STX8: variants seen among roughly 807,000 people sequenced by gnomAD.
The protein encoded by STX8 is syntaxin-8.
Under a neutral mutation model 37.5 loss-of-function variants are expected in STX8, and 23 were observed. That is an observed-to-expected ratio of 0.61 (90% CI 0.44 to 0.87). The LOEUF (loss-of-function observed/expected upper bound fraction) is 0.87. Among genes scored for constraint, STX8 ranks in the 40% least tolerant of loss-of-function variants. The pLI is 0.00. For missense variants in STX8, 313 were observed against 284.7 expected, an observed-to-expected ratio of 1.10 and a Z score of -0.71; for synonymous variants, 115 against 99.1, an observed-to-expected ratio of 1.16 and a Z score of -0.95.
At chr17:9,327,351 G>A (rs1435463230) in intron 7 of STX8, among the ~76,000 whole-genome samples, 2 of 149,760 alleles carry the variant, frequency 1.3e-5, no homozygotes, top group Non-Finnish European at 3.0e-5. Flanking sequence ...AGGAGGAGGA[G>A]AAGGAGAGGG....
At chr17:9,295,488 T>G (rs111772873) in intron 7 of STX8, among the ~76,000 whole-genome samples, 1,985 of 152,296 alleles carry the variant, frequency 0.013, 42 homozygotes, top group African/African-American at 0.045. Context: ...CTCACACCAG[T>G]AATCCCAGCA....
At chr17:9,387,203 C>T (rs1011322003) in intron 6 of STX8, among the ~76,000 whole-genome samples, 5 of 152,296 alleles carry the variant, frequency 3.3e-5, no homozygotes, top group East Asian at 1.9e-4. Context: ...TTCCTAAAAA[C>T]GTGATGGGAG....
intron 7 of STX8, among the ~76,000 whole-genome samples, chr17:9,350,712 T>C (rs908137281): frequency 1.8e-4 from 28 of 152,206 alleles, no homozygotes; most frequent in Admixed American, 6.5e-4. Context: ...TTTGTATTTT[T>C]AGTAGAGACA....
In STX8 at chr17:9,543,763, T is replaced by C. The variant is rs572981992; in HGVS notation, c.323+1409A>G. 3.3e-5 allele frequency among the ~76,000 whole-genome samples: 5 copies of C among 152,338 alleles called. No homozygotes were observed. The South Asian group carries it at 8.3e-4, about 25-fold the overall frequency. On this transcript the variant is annotated intron_variant, in intron 4 of 7. Coordinates refer to ENST00000306357, the MANE Select transcript of STX8 (RefSeq NM_004853.3). Reference sequence around the variant, plus strand: ...AGTAGATTGGCCCAGCACAGGCTTCTATCTTCATTTAAACCCTGCCCAGGA... The same window carrying C: ...AGTAGATTGGCCCAGCACAGGCTTCCATCTTCATTTAAACCCTGCCCAGGA...
chr17:9,282,901 A>C (rs1474360837), intron 7 of STX8, among the ~76,000 whole-genome samples: 1 of 59,628 alleles, frequency 1.7e-5, no homozygotes, highest in Non-Finnish European at 3.4e-5. Context: ...TATGGAGATG[A>C]ATCTTTTTTT....
chr17:9,310,969 T>G (rs539936803), intron 7 of STX8, among the ~76,000 whole-genome samples: 21 of 152,096 alleles, frequency 1.4e-4, no homozygotes, highest in Non-Finnish European at 1.5e-5. Flanking sequence ...CCGGGTGCAA[T>G]GGCTCGTGCC....
chr17:9,535,455 C>A (rs1906001911), intron 4 of STX8, among the ~76,000 whole-genome samples: 1 of 25,690 alleles, frequency 3.9e-5, no homozygotes, highest in African/African-American at 1.4e-4. Flanking sequence ...TTTTTTGAGA[C>A]GGAGTCTTGC....
intron 6 of STX8, among the ~76,000 whole-genome samples, chr17:9,405,144 G>C (rs1471818383): frequency 6.6e-6 from 1 of 152,172 alleles, no homozygotes; most frequent in African/African-American, 2.4e-5. Flanking sequence ...CATAACAATA[G>C]CATCTTCAAT....
chr17:9,507,119 C>T lies in STX8; in HGVS notation c.324-1957G>A, dbSNP rs1904866636. On this transcript the variant is annotated intron_variant, in intron 4 of 7. Coordinates refer to ENST00000306357, the MANE Select transcript of STX8 (RefSeq NM_004853.3). The surrounding 1 kb of genome is among the most constrained non-coding windows in gnomAD (Gnocchi z 4.0). ...CCTGCAAGCAGAAGGCCCTGAGCAACTGACAGGCTAGCAGAGTGACTACGC... is the reference window on the plus strand; with the variant it reads ...CCTGCAAGCAGAAGGCCCTGAGCAATTGACAGGCTAGCAGAGTGACTACGC... 6.6e-6 allele frequency among the ~76,000 whole-genome samples: 1 copy of T among 152,000 alleles called. No homozygotes were observed. Among genetic ancestry groups the T allele is most frequent in the Admixed American group, 6.5e-5 (1 of 15,268 alleles).
intron 5 of STX8, 63 bp from the exon 6 acceptor site, chr17:9,491,984 T>C (rs1199037005): frequency 2.5e-6 from 3 of 1,186,392 alleles, no homozygotes; most frequent in Non-Finnish European, 3.6e-6. Context: ...AGTCCATAAG[T>C]ATACCCAGGC....
At chr17:9,504,142 G>A (rs1423096105) in intron 5 of STX8, among the ~76,000 whole-genome samples, 1 of 152,036 alleles carries the variant, frequency 6.6e-6, no homozygotes, top group Non-Finnish European at 1.5e-5. Context: ...TTCCATTTAT[G>A]TAAAATAAGT....
chr17:9,288,066 T>C (rs1357786883), intron 7 of STX8, among the ~76,000 whole-genome samples: 2 of 102,366 alleles, frequency 2.0e-5, no homozygotes, highest in Non-Finnish European at 3.5e-5. Flanking sequence ...TTAACATTAA[T>C]GGGTAGCCAA....
At chr17:9,453,409 T>C (rs1334383458) in intron 6 of STX8, among the ~76,000 whole-genome samples, 2 of 152,082 alleles carry the variant, frequency 1.3e-5, no homozygotes, top group Non-Finnish European at 2.9e-5. Flanking sequence ...ACCTACCATA[T>C]TCAGATCTGA....
At chr17:9,404,835 C>A (rs1233517669) in intron 6 of STX8, among the ~76,000 whole-genome samples, 1 of 152,186 alleles carries the variant, frequency 6.6e-6, no homozygotes, top group African/African-American at 2.4e-5. Flanking sequence ...GCTTTTATGT[C>A]TTCTTCCTCG....
intron 7 of STX8, among the ~76,000 whole-genome samples, chr17:9,271,673 T>C (rs1907467434): frequency 7.1e-6 from 1 of 139,954 alleles, no homozygotes; most frequent in African/African-American, 2.7e-5. Context: ...TCACTTGAAC[T>C]GGGGAGGCAG....
At chr17:9,383,016 G>T (rs1911873183) in intron 6 of STX8, among the ~76,000 whole-genome samples, 1 of 152,160 alleles carries the variant, frequency 6.6e-6, no homozygotes, top group African/African-American at 2.4e-5. Flanking sequence ...TTCCATGCAT[G>T]AGATTTATGA....
At chr17:9,293,459 A>C (rs969220131) in intron 7 of STX8, among the ~76,000 whole-genome samples, 1 of 148,518 alleles carries the variant, frequency 6.7e-6, no homozygotes, top group Non-Finnish European at 1.5e-5. Context: ...GAAGATGTGG[A>C]ATTTTAGAGA....
At chr17:9,501,686 T>TA (rs1904616786) in intron 5 of STX8, among the ~76,000 whole-genome samples, 2 of 136,462 alleles carry the variant, frequency 1.5e-5, no homozygotes, top group African/African-American at 5.6e-5. Context: ...CTCAAAAAAA[T>TA]AAACAGGCCA....
intron 7 of STX8, among the ~76,000 whole-genome samples, chr17:9,369,923 A>G (rs892414477): frequency 6.6e-6 from 1 of 150,564 alleles, no homozygotes; most frequent in African/African-American, 2.4e-5. Flanking sequence ...AAGAAAAAAG[A>G]AAAAAAGCAA....
Sources: allele counts gnomAD v4.1 joint callset (sites outside exome capture counted in the v4.1 genomes callset), GRCh38; gene constraint gnomAD v4.1.1; non-coding constraint Gnocchi (gnomAD v3.1); transcripts MANE v1.5; gene names NCBI Gene and HGNC (gene_info 2026-07-23, HGNC 2026-07-21).